CSRP1: variants seen among roughly 807,000 people sequenced by gnomAD.
CSRP1 encodes cysteine and glycine rich protein 1.
In CSRP1, 16 loss-of-function variants were observed where a neutral mutation model predicts 25.4. The ratio of observed to expected loss-of-function variants is 0.63; its 90% CI spans 0.43 to 0.96. The LOEUF (loss-of-function observed/expected upper bound fraction) is 0.96, where lower values mean the gene tolerates loss of function less well. Ranked by LOEUF, CSRP1 falls within the 40% of genes least tolerant of loss-of-function variation. The pLI, the probability that CSRP1 is intolerant of heterozygous loss-of-function variation, is 0.00. For missense variants in CSRP1, 212 were observed against 243.6 expected (o/e 0.87, Z 0.86); for synonymous variants, 97 against 95.3 (o/e 1.02, Z -0.10).
intron 4 of CSRP1, chr1:201,486,695 T>C (rs1481071893): frequency 1.9e-6 from 2 of 1,034,814 alleles, no homozygotes; most frequent in Admixed American, 5.8e-5. Context: ...CAAAATAAGC[T>C]GAATCCCTTT....
intron 1 of CSRP1, among the ~76,000 whole-genome samples, chr1:201,503,845 T>C (rs1417532176): frequency 6.6e-6 from 1 of 152,180 alleles, no homozygotes. Flanking sequence ...CCAGGCTTGT[T>C]TTCTTTCTGC....
Position 201,484,151 on chromosome 1 carries a change from C to T in CSRP1, c.*562G>A, listed in dbSNP as rs965437993. On this transcript the variant is annotated 3_prime_UTR_variant, in exon 6 of 6. Transcript: ENST00000340006. ...CAAGAGGCCTGGAGAAGCAGGGGCTCCTAGGACCCTGCCTGCATGCCTCTC... is the reference window on the plus strand; with the variant it reads ...CAAGAGGCCTGGAGAAGCAGGGGCTTCTAGGACCCTGCCTGCATGCCTCTC... 10 of 642,626 alleles carry T rather than the reference C, an allele frequency of 1.6e-5. No homozygotes were observed. The highest frequency in any genetic ancestry group is 2.3e-5 in the Non-Finnish European group (8 of 345,272). The allele number at this position is 642,626 out of a possible 1,614,324, so 39.8% of individuals were successfully genotyped here.
intron 4 of CSRP1, 159 bp downstream of exon 4, chr1:201,488,696 A>T (rs1306595230): frequency 1.9e-5 from 14 of 742,838 alleles, no homozygotes; most frequent in Non-Finnish European, 3.0e-5. Flanking sequence ...GAGACTGGAA[A>T]GCACAGGTAC....
At chr1:201,494,651 A>T (rs1036443503) in intron 2 of CSRP1, among the ~76,000 whole-genome samples, 1 of 152,222 alleles carries the variant, frequency 6.6e-6, no homozygotes, top group Non-Finnish European at 1.5e-5. Context: ...TCCATTGAAC[A>T]GGTGGCTCTT....
intron 1 of CSRP1, among the ~76,000 whole-genome samples, chr1:201,504,550 C>T (rs1231041951): frequency 6.6e-6 from 1 of 151,852 alleles, no homozygotes; most frequent in Non-Finnish European, 1.5e-5. Context: ...TCTAGCAAGC[C>T]AACGTTTCAC....
intron 1 of CSRP1, among the ~76,000 whole-genome samples, chr1:201,501,211 C>T (rs1664660938): frequency 6.6e-6 from 1 of 152,186 alleles, no homozygotes; most frequent in Non-Finnish European, 1.5e-5. Flanking sequence ...ACCAGTCATA[C>T]GTCGACTCCA....
At position 201,484,043 on chromosome 1, in the gene CSRP1, T is replaced by A; in HGVS notation, c.*670A>T. On this transcript the variant is annotated 3_prime_UTR_variant, in exon 6 of 6. Transcript: ENST00000340006. ...AGATGTTTGAGAAGATCAAACAACA[T>A]CCTGACTTTGGGGTCCTTAAGACCT... 1.4e-6 allele frequency: 1 copy of A among 696,842 alleles called. No individual in the cohort carries two copies. Among genetic ancestry groups the A allele is most frequent in the East Asian group, 2.7e-5 (1 of 37,044 alleles). The allele number at this position is 696,842 out of a possible 1,614,324, so 43.2% of individuals were successfully genotyped here.
intron 5 of CSRP1, 125 bp from the exon 6 acceptor site, chr1:201,484,914 G>T: frequency 1.3e-6 from 1 of 784,142 alleles, no homozygotes; most frequent in African/African-American, 1.7e-5. Context: ...AAGGTCCACT[G>T]GTACCCCCTC....
At chr1:201,498,286 A>G (rs960755746) in intron 1 of CSRP1, among the ~76,000 whole-genome samples, 1 of 152,184 alleles carries the variant, frequency 6.6e-6, no homozygotes, top group Admixed American at 6.5e-5. Flanking sequence ...AGCTCTTTCA[A>G]CAGAAGTTCA....
intron 1 of CSRP1, among the ~76,000 whole-genome samples, chr1:201,500,427 G>A (rs947880960): frequency 1.3e-5 from 2 of 152,266 alleles, no homozygotes; most frequent in Admixed American, 6.5e-5. Context: ...GAACATGGGC[G>A]GAGAAATGGG....
intron 1 of CSRP1, 51 bp from the exon 2 acceptor site, chr1:201,496,355 T>G (rs1664515235): frequency 7.2e-7 from 1 of 1,394,846 alleles, no homozygotes; most frequent in African/African-American, 1.4e-5. Context: ...GATGGAAACA[T>G]CTCAGATTGT....
chr1:201,484,323 C>T lies in CSRP1; in HGVS notation c.*390G>A. 1 of 510,382 alleles carries T rather than the reference C, an allele frequency of 2.0e-6. No homozygotes were observed. Among genetic ancestry groups the T allele is most frequent in the Non-Finnish European group, 3.5e-6 (1 of 284,596 alleles). The allele number at this position is 510,382 out of a possible 1,614,324, so 31.6% of individuals were successfully genotyped here. ...CTCCTCATCTTGGTCTTGCTTCCCT[C>T]TCCCTCCAGCCTGTTGCTGCTGCTC... On this transcript the variant is annotated 3_prime_UTR_variant, in exon 6 of 6. Coordinates refer to ENST00000340006, the MANE Select transcript of CSRP1 (RefSeq NM_004078.3).
chr1:201,489,014 A>G (rs767402617), intron 3 of CSRP1, 30 bp from the exon 4 acceptor site: 148 of 1,611,894 alleles, frequency 9.2e-5, no homozygotes, highest in South Asian at 8.9e-4. Flanking sequence ...GGGTGAGGTG[A>G]CTTACACTGT....
chr1:201,498,427 G>A (rs1313258450), intron 1 of CSRP1, among the ~76,000 whole-genome samples: 1 of 152,240 alleles, frequency 6.6e-6, no homozygotes, highest in Admixed American at 6.5e-5. Context: ...AGAGGGATCT[G>A]TTGCCTCAGG....
At chr1:201,490,097 G>A in intron 3 of CSRP1, 79 bp downstream of exon 3, 1 of 1,447,154 alleles carries the variant, frequency 6.9e-7, no homozygotes, top group South Asian at 1.4e-5. Flanking sequence ...CCCAAAAATG[G>A]TTGTAAATAC....
intron 1 of CSRP1, among the ~76,000 whole-genome samples, chr1:201,498,271 C>G (rs1004799493): frequency 7.9e-5 from 12 of 152,230 alleles, no homozygotes; most frequent in African/African-American, 2.7e-4. Context: ...GAAGACCACC[C>G]TTCCAGCTCT....
intron 2 of CSRP1, chr1:201,495,928 T>C: frequency 2.5e-6 from 1 of 404,148 alleles, no homozygotes. Context: ...AAAGTTTTCT[T>C]AACCAAGTCT....
rs115517245 is a variant in CSRP1 at position 201,502,317 on chromosome 1, T to C, written c.-2+4753A>G. 4.0e-3 allele frequency among the ~76,000 whole-genome samples: 610 copies of C among 152,360 alleles called. 1 individual carries two copies. The highest frequency in any genetic ancestry group is 0.013 in the African/African-American group (551 of 41,582). On this transcript the variant is annotated intron_variant, in intron 1 of 5. Coordinates refer to ENST00000340006, the MANE Select transcript of CSRP1 (RefSeq NM_004078.3). ...CTCGCATTAGCTGAGCTGCTTGGTA[T>C]CTGCCAGGTGGACAGGAGGGCTGGC...
chr1:201,485,427 C>T, intron 4 of CSRP1, 51 bp from the exon 5 acceptor site: 1 of 1,539,562 alleles, frequency 6.5e-7, no homozygotes, highest in Non-Finnish European at 9.0e-7. Flanking sequence ...TGAGGGTACC[C>T]TCCACCCCAG....
Sources: allele counts gnomAD v4.1 joint callset (sites outside exome capture counted in the v4.1 genomes callset), GRCh38; gene constraint gnomAD v4.1.1; transcripts MANE v1.5; gene names NCBI Gene and HGNC (gene_info 2026-07-23, HGNC 2026-07-21).